CD22: variants seen among roughly 807,000 people sequenced by gnomAD.
The protein encoded by CD22 is CD22 molecule.
Under a neutral mutation model 94.7 loss-of-function variants are expected in CD22, and 51 were observed. That is an observed-to-expected ratio of 0.54 (90% CI 0.43 to 0.68). The LOEUF is 0.68. Among genes scored for constraint, CD22 ranks in the 30% least tolerant of loss-of-function variants. The pLI is 0.00. For missense variants in CD22, 931 were observed against 1,060.4 expected (o/e 0.88, Z 1.69); for synonymous variants, 424 against 422.5 (o/e 1.00, Z -0.04).
Position 35,340,399 on chromosome 19 carries a change from C to T in CD22, c.1250-482C>T, listed in dbSNP as rs574545705. 8.5e-5 allele frequency among the ~76,000 whole-genome samples: 13 copies of T among 152,276 alleles called. No homozygotes were observed. In the East Asian group the frequency reaches 9.6e-4, roughly 11 times the overall value. ...CCGGGTTCAAGCGATTCTCTTGCCT[C>T]GACCACCTGAGTAGCTGGGACTACA... On this transcript the variant is annotated intron_variant, in intron 6 of 13. Coordinates refer to ENST00000085219, the MANE Select transcript of CD22 (RefSeq NM_001771.4).
At chr19:35,339,237 T>C (rs545319904) in intron 6 of CD22, among the ~76,000 whole-genome samples, 3 of 147,656 alleles carry the variant, frequency 2.0e-5, no homozygotes, top group African/African-American at 7.6e-5. Flanking sequence ...GACCTGGGTC[T>C]CAAAAAGAAA....
Position 35,341,958 on chromosome 19 carries a change from C to A in CD22, c.2028C>A (p.Thr676=). ...GKGRSPLSTL[T]VYYSPETIGR... Reference sequence around the variant, plus strand: ...GCCGTTCGCCTCTCAGCACCCTCACCGTCTACTGTAAGGCCTCTTCCTGCT... The same window carrying A: ...GCCGTTCGCCTCTCAGCACCCTCACAGTCTACTGTAAGGCCTCTTCCTGCT... The change falls in exon 9 of 14, where the codon ACC becomes ACA. Residue 676 remains threonine, a synonymous_variant. Transcript: ENST00000085219. The surrounding 1 kb of genome is among the most constrained non-coding windows in gnomAD (Gnocchi z 4.0). The A allele has an allele frequency of 6.2e-7, 1 of 1,611,702 alleles. No individual in the cohort carries two copies. Among genetic ancestry groups the A allele is most frequent in the Non-Finnish European group, 8.5e-7 (1 of 1,178,840 alleles).
rs899517483 is a variant in CD22, at chr19:35,346,830, A to G, written c.*133A>G. The G allele has an allele frequency of 7.0e-6, 6 of 852,098 alleles. No homozygotes were observed. Among genetic ancestry groups the G allele is most frequent in the Admixed American group, 2.9e-5 (1 of 34,002 alleles). The allele number at this position is 852,098 out of a possible 1,614,324, so 52.8% of individuals were successfully genotyped here. A position where few individuals can be genotyped will look rare whatever the true frequency, so the allele number is the denominator to read the frequency against. ...CACACACACACACGCACACACACACACACACACTCACTGCGGAGAACCTTG... is the reference window on the plus strand; with the variant it reads ...CACACACACACACGCACACACACACGCACACACTCACTGCGGAGAACCTTG... On this transcript the variant is annotated 3_prime_UTR_variant, in exon 14 of 14. Coordinates refer to ENST00000085219, the MANE Select transcript of CD22 (RefSeq NM_001771.4).
At position 35,338,196 on chromosome 19, in the gene CD22, C is replaced by A. The variant is rs759401989; in HGVS notation, c.1014C>A (p.Ile338=). ...CCCCGGAACCTTCCACGGTTCAGATCCTCCACTCACCGGCTGTGGAGGGAA... is the reference window on the plus strand; with the variant it reads ...CCCCGGAACCTTCCACGGTTCAGATACTCCACTCACCGGCTGTGGAGGGAA... ...QYAPEPSTVQ[I]LHSPAVEGSQ... Residue 338 remains isoleucine (I), a synonymous_variant, in exon 6 of 14, where the codon ATC becomes ATA. Coordinates refer to ENST00000085219, the MANE Select transcript of CD22 (RefSeq NM_001771.4). 1 of 1,613,716 alleles carries A rather than the reference C, an allele frequency of 6.2e-7. No homozygotes were observed. The highest frequency in any genetic ancestry group is 8.5e-7 in the Non-Finnish European group (1 of 1,179,742).
intron 12 of CD22, 74 bp from the exon 13 acceptor site, chr19:35,346,077 C>T: frequency 3.5e-6 from 4 of 1,146,246 alleles, no homozygotes; most frequent in Non-Finnish European, 4.0e-6. Context: ...CTGTTGGGGG[C>T]TCTGGGTGTT....
intron 3 of CD22, among the ~76,000 whole-genome samples, chr19:35,334,371 T>C (rs917726360): frequency 6.6e-6 from 1 of 151,836 alleles, no homozygotes; most frequent in African/African-American, 2.4e-5. Context: ...TAACTAATCA[T>C]GCATGGAGGA....
chr19:35,334,114 C>T (rs1056260770), intron 3 of CD22, among the ~76,000 whole-genome samples: 3 of 152,090 alleles, frequency 2.0e-5, no homozygotes, highest in Non-Finnish European at 1.5e-5. Flanking sequence ...TGACTTTGAG[C>T]GTTAGTGGGG....
At chr19:35,345,420 CAAAAAAAAAAA>C (rs61349223) in intron 11 of CD22, 171 bp from the exon 12 acceptor site, 62 of 156,872 alleles carry the variant, frequency 4.0e-4, no homozygotes, top group Admixed American at 2.2e-3. Context: ...GACTCTGCCT[CAAAAAAAAAAA>C]AAAAAAAAAA....
intron 9 of CD22, among the ~76,000 whole-genome samples, chr19:35,343,336 C>T (rs1007535879): frequency 1.3e-5 from 2 of 152,114 alleles, no homozygotes; most frequent in African/African-American, 4.8e-5. Context: ...CACTCTTGAT[C>T]CCTGAGAACT....
chr19:35,334,770 A>G (rs1341949172), intron 3 of CD22, among the ~76,000 whole-genome samples: 1 of 152,152 alleles, frequency 6.6e-6, no homozygotes, highest in Non-Finnish European at 1.5e-5. Context: ...CTAAACTGAT[A>G]AAATTCACTT....
chr19:35,345,224 C>G (rs546971763), intron 11 of CD22, 98 bp downstream of exon 11: 1 of 1,001,758 alleles, frequency 1.0e-6, no homozygotes, highest in African/African-American at 1.6e-5. Context: ...TCGAGACCAG[C>G]GTAGCCAACA....
At position 35,341,309 on chromosome 19, in the gene CD22, G is replaced by C; in HGVS notation, c.1508-34G>C. The C allele has an allele frequency of 6.2e-7, 1 of 1,608,140 alleles. No individual in the cohort carries two copies. Among genetic ancestry groups the C allele is most frequent in the Non-Finnish European group, 8.5e-7 (1 of 1,176,056 alleles). ...CTGGGGACAGCAAAAGGGACAGGGAGCGGAGAGGTCAGCTTGGGACCCTTG... is the reference window on the plus strand; with the variant it reads ...CTGGGGACAGCAAAAGGGACAGGGACCGGAGAGGTCAGCTTGGGACCCTTG... On this transcript the variant is annotated intron_variant, in intron 7 of 13. Coordinates refer to ENST00000085219, the MANE Select transcript of CD22 (RefSeq NM_001771.4). This position sits in a 1 kb window ranked among gnomAD's most constrained non-coding sequence, Gnocchi z 4.0.
intron 3 of CD22, among the ~76,000 whole-genome samples, chr19:35,334,531 T>G (rs1298307521): frequency 6.6e-6 from 1 of 152,194 alleles, no homozygotes; most frequent in Admixed American, 6.5e-5. Flanking sequence ...GTGTGGTCAC[T>G]CCGTTCCACA....
In CD22 at chr19:35,338,213, T is replaced by C; in HGVS notation, c.1031T>C (p.Val344Ala). ...STVQILHSPA[V>A]EGSQVEFLCM... ...GTTCAGATCCTCCACTCACCGGCTG[T>C]GGAGGGAAGTCAAGTCGAGTTTCTT... Residue 344 changes from valine (V) to alanine (A), a missense_variant, in exon 6 of 14, where the codon GTG (valine) becomes GCG (alanine). Val to Ala is a moderately conservative substitution (Grantham distance 64, BLOSUM62 0). Transcript: ENST00000085219. 1 of 1,614,100 alleles carries C rather than the reference T, an allele frequency of 6.2e-7. No individual in the cohort carries two copies. Among genetic ancestry groups the C allele is most frequent in the Non-Finnish European group, 8.5e-7 (1 of 1,180,018 alleles).
At position 35,341,278 on chromosome 19, in the gene CD22, G is replaced by C. The variant is rs1171519210; in HGVS notation, c.1508-65G>C. The C allele has an allele frequency of 3.1e-6, 5 of 1,595,840 alleles. No homozygotes were observed. The highest frequency in any genetic ancestry group is 4.3e-6 in the Non-Finnish European group (5 of 1,169,120). On this transcript the variant is annotated intron_variant, in intron 7 of 13. Coordinates refer to ENST00000085219, the MANE Select transcript of CD22 (RefSeq NM_001771.4). This position sits in a 1 kb window ranked among gnomAD's most constrained non-coding sequence, Gnocchi z 4.0. ...GCCTGGCGTCAGGGCCAAGGGGAGG[G>C]GAGGCCTGGGGACAGCAAAAGGGAC...
In CD22 at chr19:35,345,336, G is replaced by C. The variant is rs897047183; in HGVS notation, c.2208+210G>C. 31 of 575,458 alleles carry C rather than the reference G, an allele frequency of 5.4e-5. No homozygotes were observed. In the Admixed American group the frequency reaches 9.3e-4, roughly 17 times the overall value. The allele number at this position is 575,458 out of a possible 1,614,324, so 35.6% of individuals were successfully genotyped here. On this transcript the variant is annotated intron_variant, in intron 11 of 13. Transcript: ENST00000085219. ...CTCGGGAGGCTGAGGCAGGAGAATCGCTTGAACCTGGGAGGCAGAGGTTGC... is the reference window on the plus strand; with the variant it reads ...CTCGGGAGGCTGAGGCAGGAGAATCCCTTGAACCTGGGAGGCAGAGGTTGC...
Position 35,332,676 on chromosome 19 carries a change from G to T in CD22, c.164G>T (p.Ser55Ile). The T allele has an allele frequency of 1.2e-6, 2 of 1,614,118 alleles. No homozygotes were observed. The highest frequency in any genetic ancestry group is 1.7e-6 in the Non-Finnish European group (2 of 1,180,032). The change falls in exon 3 of 14, where the codon AGC (serine) becomes ATC (isoleucine). Residue 55 changes from serine (S) to isoleucine (I), a missense_variant. Ser to Ile is a moderately radical substitution (Grantham distance 142). Coordinates refer to ENST00000085219, the MANE Select transcript of CD22 (RefSeq NM_001771.4). ...AGAGCCCTAGATGGTGACCTGGAAA[G>T]CTTCATCCTGTTCCACAATCCTGAG... ...TYRALDGDLE[S>I]FILFHNPEYN...
chr19:35,329,989 T>C (rs556302061), intron 1 of CD22: 1 of 152,314 alleles, frequency 6.6e-6, no homozygotes, highest in Admixed American at 6.5e-5. Flanking sequence ...ATTAATGGTG[T>C]AGATAGAGTT....
chr19:35,339,936 C>T (rs1033447428), intron 6 of CD22, among the ~76,000 whole-genome samples: 8 of 152,116 alleles, frequency 5.3e-5, no homozygotes, highest in Admixed American at 1.3e-4. Flanking sequence ...GTGGCTGAGT[C>T]TTGAGAGATC....
Sources: allele counts gnomAD v4.1 joint callset (sites outside exome capture counted in the v4.1 genomes callset), GRCh38; gene constraint gnomAD v4.1.1; non-coding constraint Gnocchi (gnomAD v3.1); transcripts MANE v1.5; gene names NCBI Gene and HGNC (gene_info 2026-07-23, HGNC 2026-07-21).